GRM5: variants seen among roughly 807,000 people sequenced by gnomAD.
GRM5 encodes the protein glutamate metabotropic receptor 5.
In GRM5, 19 loss-of-function variants were observed where a neutral mutation model predicts 83.1. The observed-to-expected ratio is 0.23, with a 90% confidence interval of 0.16 to 0.34. The LOEUF (loss-of-function observed/expected upper bound fraction) is 0.34, where lower values mean the gene tolerates loss of function less well. GRM5 is among the 10% of genes least tolerant of loss of function. The pLI is 1.00. For synonymous variants in GRM5, 675 were observed against 633.6 expected (o/e 1.07, Z -0.98); for missense variants, 1,160 against 1,588.3 (o/e 0.73, Z 4.58).
intron 3 of GRM5, among the ~76,000 whole-genome samples, chr11:88,682,516 T>C (rs1488740928): frequency 6.6e-6 from 1 of 152,170 alleles, no homozygotes; most frequent in Non-Finnish European, 1.5e-5. Context: ...TACTTAGCTA[T>C]ATGACAACTA....
At chr11:88,632,879 A>G (rs139964780) in intron 4 of GRM5, among the ~76,000 whole-genome samples, 4 of 152,312 alleles carry the variant, frequency 2.6e-5, no homozygotes, top group Non-Finnish European at 4.4e-5. Flanking sequence ...ATCCATACTA[A>G]TAAGTGCATA....
At chr11:88,782,215 G>A (rs935070493) in intron 3 of GRM5, among the ~76,000 whole-genome samples, 1 of 152,046 alleles carries the variant, frequency 6.6e-6, no homozygotes, top group Non-Finnish European at 1.5e-5. Context: ...AATAATTGCT[G>A]TATTAGTCTG....
chr11:88,624,158 C>T (rs1014319707), intron 4 of GRM5, among the ~76,000 whole-genome samples: 15 of 152,254 alleles, frequency 9.9e-5, no homozygotes, highest in African/African-American at 2.6e-4. Context: ...CAAAGTAGAA[C>T]CATGGACCAA....
chr11:88,926,430 T>C (rs1295082723), intron 2 of GRM5, among the ~76,000 whole-genome samples: 2 of 152,210 alleles, frequency 1.3e-5, no homozygotes, highest in African/African-American at 4.8e-5. Flanking sequence ...ATCCAGGCAT[T>C]AAGTTTATAT....
chr11:88,887,507 T>A (rs1476366685), intron 2 of GRM5, among the ~76,000 whole-genome samples: 1 of 152,096 alleles, frequency 6.6e-6, no homozygotes, highest in African/African-American at 2.4e-5. Context: ...CTAGAGCCAC[T>A]TGGGTGAGTG....
chr11:88,658,403 A>T (rs539636639), intron 3 of GRM5, among the ~76,000 whole-genome samples: 108 of 152,278 alleles, frequency 7.1e-4, no homozygotes, highest in African/African-American at 2.6e-3. Context: ...ACAGGCATCC[A>T]TGGTTTTTCC....
At chr11:88,658,245 CG>C (rs1223382915) in intron 3 of GRM5, among the ~76,000 whole-genome samples, 2 of 152,086 alleles carry the variant, frequency 1.3e-5, no homozygotes, top group Non-Finnish European at 2.9e-5. Flanking sequence ...GTGCCAAAAA[CG>C]TTGGGGACCG....
chr11:88,699,181 T>C (rs1722037063), intron 3 of GRM5, among the ~76,000 whole-genome samples: 1 of 152,172 alleles, frequency 6.6e-6, no homozygotes, highest in African/African-American at 2.4e-5. Flanking sequence ...TGACAATGTG[T>C]TCTATATTCA....
At chr11:88,795,861 C>T (rs895118940) in intron 3 of GRM5, among the ~76,000 whole-genome samples, 5 of 152,076 alleles carry the variant, frequency 3.3e-5, no homozygotes, top group Non-Finnish European at 7.4e-5. Context: ...GCATATGTCC[C>T]TATTGTGTAG....
In GRM5 at chr11:88,509,192, G is replaced by T. The variant is rs997419886; in HGVS notation, c.3039C>A (p.Pro1013=). The part of the protein sequence containing the change: ...VAEAEEHFPA[P]ARPRSPSPIS... Reference sequence around the variant, plus strand: ...TGGGCGACGGTGAGCGCGGCCGCGCGGGCGCCGGGAAGTGCTCCTCAGCCT... The same window carrying T: ...TGGGCGACGGTGAGCGCGGCCGCGCTGGCGCCGGGAAGTGCTCCTCAGCCT... Residue 1013 remains proline (P), a synonymous_variant, in exon 10 of 10, where the codon CCC becomes CCA. Transcript: ENST00000305447. 6.5e-7 allele frequency: 1 copy of T among 1,534,180 alleles called. No individual in the cohort carries two copies. The highest frequency in any genetic ancestry group is 8.7e-7 in the Non-Finnish European group (1 of 1,142,862).
At chr11:88,685,539 C>T (rs1940598655) in intron 3 of GRM5, among the ~76,000 whole-genome samples, 1 of 152,190 alleles carries the variant, frequency 6.6e-6, no homozygotes, top group Non-Finnish European at 1.5e-5. Context: ...ATCCCCAAGA[C>T]AATGGGGAAA....
chr11:88,934,858 G>T (rs1420871814), intron 2 of GRM5, among the ~76,000 whole-genome samples: 1 of 151,830 alleles, frequency 6.6e-6, no homozygotes, highest in Non-Finnish European at 1.5e-5. Flanking sequence ...TGAAAGTTAA[G>T]TCTGAAAAAC....
chr11:88,727,564 C>T (rs1941712143), intron 3 of GRM5, among the ~76,000 whole-genome samples: 1 of 152,136 alleles, frequency 6.6e-6, no homozygotes, highest in South Asian at 2.1e-4. Flanking sequence ...AACTCTCCTC[C>T]CCAAATCAAG....
chr11:88,991,883 A>C (rs1187984266), intron 2 of GRM5, among the ~76,000 whole-genome samples: 14 of 152,242 alleles, frequency 9.2e-5, no homozygotes, highest in Middle Eastern at 3.4e-3. Flanking sequence ...TAAAGACTTA[A>C]ACGTTAGACC....
At position 89,065,286 on chromosome 11, in the gene GRM5, TCACA is replaced by T. The variant is rs71046278; in HGVS notation, c.-201+486_-201+489del. Among the ~76,000 whole-genome samples, 167 of 147,386 alleles carry T rather than the reference TCACA, an allele frequency of 1.1e-3. 2 individuals carry two copies. Among genetic ancestry groups the T allele is most frequent in the Middle Eastern group, 3.5e-3 (1 of 284 alleles). On this transcript the variant is annotated intron_variant, in intron 1 of 9. Transcript: ENST00000305447. ...TGCCTTTCGTGCACATGTATTGGCA[TCACA>T]CACACACACACACACACACACAGAC...
intron 3 of GRM5, among the ~76,000 whole-genome samples, chr11:88,673,258 G>T (rs1392547942): frequency 6.6e-6 from 1 of 151,886 alleles, no homozygotes; most frequent in Non-Finnish European, 1.5e-5. Context: ...AGGAACTGAA[G>T]TAAGAAATAC....
intron 2 of GRM5, among the ~76,000 whole-genome samples, chr11:88,983,780 G>T (rs886702512): frequency 5.9e-5 from 9 of 151,832 alleles, no homozygotes; most frequent in African/African-American, 2.2e-4. Flanking sequence ...CCAGAATAAG[G>T]CATTTTTACC....
chr11:88,518,972 T>A (rs1246323046), intron 9 of GRM5, among the ~76,000 whole-genome samples: 1 of 149,454 alleles, frequency 6.7e-6, no homozygotes, highest in Non-Finnish European at 1.5e-5. Context: ...CATACATTTT[T>A]GTTTTGTGGC....
chr11:88,992,909 G>A (rs1161291695), intron 2 of GRM5, among the ~76,000 whole-genome samples: 8 of 151,536 alleles, frequency 5.3e-5, no homozygotes, highest in East Asian at 1.9e-4. Flanking sequence ...AAGATATACC[G>A]AATGTAAATG....
Sources: gnomAD v4.1 joint callset for allele counts (sites outside exome capture counted in the v4.1 genomes callset) on GRCh38, gnomAD v4.1.1 for gene constraint, MANE v1.5 for transcripts, NCBI Gene and HGNC (gene_info 2026-07-23, HGNC 2026-07-21) for gene names.